The following CRB1 variants were observed in gnomAD, a reference collection of about 807,000 sequenced individuals.
CRB1 encodes crumbs cell polarity complex component 1.
A neutral mutation model predicts 120.0 loss-of-function variants in CRB1; 83 were observed. That is an observed-to-expected ratio of 0.69 (90% CI 0.58 to 0.83). The LOEUF is 0.83. CRB1 is among the 40% of genes least tolerant of loss of function. The pLI, the probability that CRB1 is intolerant of heterozygous loss-of-function variation, is 0.00. For missense variants in CRB1, 1,699 were observed against 1,687.6 expected, an observed-to-expected ratio of 1.01 and a Z score of -0.12; for synonymous variants, 625 against 612.5, an observed-to-expected ratio of 1.02 and a Z score of -0.30.
the CRB1 span, among the ~76,000 whole-genome samples, chr1:197,240,409 T>A: frequency 1.3e-5 from 2 of 152,118 alleles, no homozygotes; most frequent in Admixed American, 1.3e-4. Flanking sequence ...GATGTTCCCC[T>A]CCCTGTGTCC....
At chr1:197,444,672 T>G (rs894291444) in intron 11 of CRB1, 1 of 152,226 alleles carries the variant, frequency 6.6e-6, no homozygotes, top group African/African-American at 2.4e-5. Flanking sequence ...TCAGTTGCTT[T>G]TCTGTTTTCC....
At chr1:197,232,294 T>C in the CRB1 span, among the ~76,000 whole-genome samples, 2 of 152,348 alleles carry the variant, frequency 1.3e-5, no homozygotes, top group Middle Eastern at 3.4e-3. Context: ...TTTAGGCTAC[T>C]GTGTGTGGTA....
intron 4 of CRB1, 72 bp downstream of exon 4, chr1:197,347,551 A>G: frequency 6.8e-7 from 1 of 1,461,920 alleles, no homozygotes; most frequent in African/African-American, 1.4e-5. Context: ...ATAGCAAATG[A>G]AATGAAAAAT....
At chr1:197,458,201 A>G (rs116795917) in intron 11 of CRB1, among the ~76,000 whole-genome samples, 3,397 of 152,120 alleles carry the variant, frequency 0.022, 124 homozygotes, top group African/African-American at 0.077. Context: ...AAATATGCCA[A>G]GGAAAAATGG....
chr1:197,358,104 A>G (rs1660584586), intron 5 of CRB1: 1 of 152,240 alleles, frequency 6.6e-6, no homozygotes, highest in Admixed American at 6.5e-5. Context: ...GTAAGCTGCT[A>G]GAAATAAATA....
chr1:197,420,005 A>AC (rs1299938874), intron 5 of CRB1, among the ~76,000 whole-genome samples: 1 of 149,348 alleles, frequency 6.7e-6, no homozygotes, highest in East Asian at 2.0e-4. Flanking sequence ...AAAAACAAAC[A>AC]AAAAAAACTA....
intron 1 of CRB1, among the ~76,000 whole-genome samples, chr1:197,302,639 GTAA>G (rs1167648930): frequency 1.3e-5 from 2 of 152,176 alleles, no homozygotes; most frequent in East Asian, 3.9e-4. Flanking sequence ...CTCTGATAGA[GTAA>G]TTGACAAAAT....
chr1:197,301,024 G>GAA (rs200109663), intron 1 of CRB1, among the ~76,000 whole-genome samples: 127 of 147,256 alleles, frequency 8.6e-4, no homozygotes, highest in East Asian at 2.4e-3. Context: ...TAATGCTCAG[G>GAA]AAAAAAAAAA....
chr1:197,361,687 A>G (rs1571394529), intron 5 of CRB1, among the ~76,000 whole-genome samples: 1 of 151,688 alleles, frequency 6.6e-6, no homozygotes, highest in African/African-American at 2.4e-5. Flanking sequence ...TCTCTGTTTT[A>G]TTCCTAATTT....
At chr1:197,382,565 A>G (rs901362291) in intron 5 of CRB1, among the ~76,000 whole-genome samples, 1 of 152,218 alleles carries the variant, frequency 6.6e-6, no homozygotes, top group Non-Finnish European at 1.5e-5. Flanking sequence ...TTTTTCAAAG[A>G]AACATCTGGG....
chr1:197,390,898 A>C (rs1220849625), intron 5 of CRB1, among the ~76,000 whole-genome samples: 1 of 152,108 alleles, frequency 6.6e-6, no homozygotes, highest in African/African-American at 2.4e-5. Context: ...TATAATAGGC[A>C]TTAATAAGGT....
the CRB1 span, among the ~76,000 whole-genome samples, chr1:197,214,029 TGATAAA>T: frequency 3.3e-5 from 5 of 150,122 alleles, no homozygotes; most frequent in African/African-American, 4.9e-5. Flanking sequence ...AGGAAGAAAA[TGATAAA>T]GATAAGAGCC....
At chr1:197,409,341 A>G (rs1663579846) in intron 5 of CRB1, among the ~76,000 whole-genome samples, 1 of 152,192 alleles carries the variant, frequency 6.6e-6, no homozygotes, top group Non-Finnish European at 1.5e-5. Context: ...CATTTTTATA[A>G]TTCTTGTGGG....
intron 5 of CRB1, among the ~76,000 whole-genome samples, chr1:197,410,234 G>T (rs1663634514): frequency 6.6e-6 from 1 of 152,146 alleles, no homozygotes; most frequent in African/African-American, 2.4e-5. Context: ...AATCAAGCTT[G>T]CTTTAATTGT....
the CRB1 span, chr1:197,222,746 TG>T: frequency 2.1e-6 from 2 of 944,960 alleles, no homozygotes; most frequent in Non-Finnish European, 3.5e-6. Context: ...ACAATGGAGT[TG>T]ACTTGCTCTT....
chr1:197,444,781 T>C (rs1665619414), intron 11 of CRB1: 1 of 152,170 alleles, frequency 6.6e-6, no homozygotes, highest in Non-Finnish European at 1.5e-5. Flanking sequence ...GACTATGGCT[T>C]TTACATATTT....
intron 1 of CRB1, among the ~76,000 whole-genome samples, chr1:197,317,798 G>C (rs1381412357): frequency 1.3e-5 from 2 of 152,234 alleles, no homozygotes; most frequent in Non-Finnish European, 2.9e-5. Flanking sequence ...TGCACATGCA[G>C]AACAATGAAA....
At chr1:197,470,341 G>A (rs542461702) in intron 11 of CRB1, among the ~76,000 whole-genome samples, 1 of 152,118 alleles carries the variant, frequency 6.6e-6, no homozygotes, top group Non-Finnish European at 1.5e-5. Context: ...GGTCAGGGAA[G>A]GTCTCCCCAA....
At chr1:197,227,913 G>C in the CRB1 span, among the ~76,000 whole-genome samples, 8 of 152,156 alleles carry the variant, frequency 5.3e-5, no homozygotes, top group African/African-American at 1.9e-4. Flanking sequence ...TGACTTCTGT[G>C]CACCCACAAG....
Sources: gnomAD v4.1 joint callset for allele counts (sites outside exome capture counted in the v4.1 genomes callset) on GRCh38, gnomAD v4.1.1 for gene constraint, MANE v1.5 for transcripts, NCBI Gene and HGNC (gene_info 2026-07-23, HGNC 2026-07-21) for gene names.